Variants in SYTL2 observed in about 807,000 individuals in gnomAD.
SYTL2 encodes the protein synaptotagmin like 2.
A neutral mutation model predicts 198.7 loss-of-function variants in SYTL2; 165 were observed. That is an observed-to-expected ratio of 0.83 (90% CI 0.73 to 0.94). SYTL2 has a LOEUF of 0.94. SYTL2 is among the 40% of genes least tolerant of loss of function. The pLI is 0.00. For synonymous variants in SYTL2, 966 were observed against 917.7 expected (o/e 1.05, Z -0.95); for missense variants, 2,835 against 2,582.8 (o/e 1.10, Z -2.12).
chr11:85,711,786 T>G (rs2086334680), intron 12 of SYTL2, among the ~76,000 whole-genome samples: 1 of 152,154 alleles, frequency 6.6e-6, no homozygotes, highest in Admixed American at 6.5e-5. Flanking sequence ...TTTAAAATTT[T>G]TAAACTTCCC....
intron 1 of SYTL2, among the ~76,000 whole-genome samples, chr11:85,807,383 CTA>C (rs1313685161): frequency 6.6e-6 from 1 of 152,212 alleles, no homozygotes; most frequent in Non-Finnish European, 1.5e-5. Flanking sequence ...TTTATTGCCT[CTA>C]TGTTTAAACA....
At chr11:85,745,542 C>G in intron 4 of SYTL2, 95 bp downstream of exon 4, 1 of 1,391,006 alleles carries the variant, frequency 7.2e-7, no homozygotes. Flanking sequence ...TGACCCCAGT[C>G]TGGCATCTGT....
chr11:85,816,938 C>G, the SYTL2 span, among the ~76,000 whole-genome samples: 6 of 128,666 alleles, frequency 4.7e-5, no homozygotes, highest in African/African-American at 1.5e-4. Flanking sequence ...AAAAAAAAGA[C>G]CATCTTATAA....
In SYTL2 at chr11:85,745,780, A is replaced by G. The variant is rs375272435; in HGVS notation, c.254-8T>C. 1 of 1,606,618 alleles carries G rather than the reference A, an allele frequency of 6.2e-7. No homozygotes were observed. The highest frequency in any genetic ancestry group is 1.7e-5 in the Admixed American group (1 of 59,896). On this transcript the variant is annotated splice_polypyrimidine_tract_variant and splice_region_variant and intron_variant, in intron 3 of 19. Transcript: ENST00000359152. The stretch of plus-strand genomic sequence containing the variant: ...TGTCTTTACTCTGCTCAGCTGAAAC[A>G]GGAAACAGTAAAGACAGGAAGGTTA...
chr11:85,849,949 CTCTTT>C, the SYTL2 span, among the ~76,000 whole-genome samples: 1 of 146,334 alleles, frequency 6.8e-6, no homozygotes, highest in South Asian at 2.2e-4. Flanking sequence ...TGTTTGTATC[CTCTTT>C]TATTTCGTTG....
the SYTL2 span, among the ~76,000 whole-genome samples, chr11:85,823,036 T>C: frequency 1.1e-4 from 17 of 152,230 alleles, no homozygotes; most frequent in African/African-American, 3.1e-4. Context: ...TCATGGAACA[T>C]TGGTTGCTTT....
intron 1 of SYTL2, among the ~76,000 whole-genome samples, chr11:85,808,424 GTT>G (rs1366864854): frequency 6.6e-6 from 1 of 151,978 alleles, no homozygotes; most frequent in Non-Finnish European, 1.5e-5. Flanking sequence ...AATATGTTTA[GTT>G]TTGGTAATAA....
At position 85,789,366 on chromosome 11, in the gene SYTL2, A is replaced by G. The variant is rs866004892; in HGVS notation, c.-390+21588T>C. On this transcript the variant is annotated intron_variant, in intron 1 of 19. Transcript: ENST00000359152. ...TATATATATATATATATATATATAT[A>G]TATATATATATGTATATATATATAT... is the stretch of plus-strand genomic sequence containing the variant. Among the ~76,000 whole-genome samples, 382 of 47,758 alleles carry G rather than the reference A, an allele frequency of 8.0e-3. 4 individuals are homozygous for G. The highest frequency in any genetic ancestry group is 0.029 in the South Asian group (35 of 1,214). 31.3% of individuals were successfully genotyped at this position (47,758 alleles called of 152,430 possible).
chr11:85,757,529 G>C (rs954879619), intron 2 of SYTL2, 96 bp downstream of exon 2: 1 of 1,385,402 alleles, frequency 7.2e-7, no homozygotes, highest in Non-Finnish European at 1.0e-6. Context: ...CTTCGAGTCA[G>C]AACTACCACT....
the SYTL2 span, among the ~76,000 whole-genome samples, chr11:85,842,038 C>T: frequency 6.6e-6 from 1 of 152,124 alleles, no homozygotes; most frequent in African/African-American, 2.4e-5. Flanking sequence ...CATGTCAGGC[C>T]CTGTGCTAGG....
intron 1 of SYTL2, among the ~76,000 whole-genome samples, chr11:85,803,238 A>G (rs1160932030): frequency 6.6e-6 from 1 of 152,270 alleles, no homozygotes; most frequent in Non-Finnish European, 1.5e-5. Context: ...TGGTCCTGCT[A>G]GGACAACTCA....
Position 85,724,256 on chromosome 11 carries a change from G to A in SYTL2, c.5102C>T (p.Pro1701Leu), listed in dbSNP as rs1183395204. The A allele has an allele frequency of 2.6e-6, 4 of 1,564,208 alleles. No individual in the cohort carries two copies. In the South Asian group the frequency reaches 3.7e-5, roughly 14 times the overall value. ...VAGGQGTLQE[P>L]GFGEASEAIS... ...TGCTTCAGAAGCCTCTCCAAAGCCA[G>A]GTTCCTGAAGAGTCCCTTGTCCCCC... The change falls in exon 8 of 20, where the codon CCT becomes CTT. Residue 1701 changes from proline (P) to leucine (L), a missense_variant. Transcript: ENST00000359152.
chr11:85,803,767 T>C (rs1165247140), intron 1 of SYTL2, among the ~76,000 whole-genome samples: 4 of 152,216 alleles, frequency 2.6e-5, no homozygotes, highest in Non-Finnish European at 4.4e-5. Flanking sequence ...TGTTTGGCCA[T>C]TTACCACCTC....
At chr11:85,730,679 G>A (rs571851990) in intron 7 of SYTL2, among the ~76,000 whole-genome samples, 24 of 152,132 alleles carry the variant, frequency 1.6e-4, no homozygotes, top group Admixed American at 4.6e-4. Context: ...TTTGAAAACT[G>A]GCACAAGACA....
At chr11:85,768,565 T>C (rs2092292156) in intron 1 of SYTL2, among the ~76,000 whole-genome samples, 1 of 152,182 alleles carries the variant, frequency 6.6e-6, no homozygotes, top group South Asian at 2.1e-4. Flanking sequence ...AACATTTCAC[T>C]AACTCAATCC....
At position 85,699,099 on chromosome 11, in the gene SYTL2, A is replaced by G. The variant is rs78035515; in HGVS notation, c.6269-1021T>C. ...AGATATACAGAGAATACATGAAATAATCTATGCCCTTGGGAAATGTTTATA... is the reference window on the plus strand; with the variant it reads ...AGATATACAGAGAATACATGAAATAGTCTATGCCCTTGGGAAATGTTTATA... On this transcript the variant is annotated intron_variant, in intron 17 of 19. Coordinates refer to ENST00000359152, the MANE Select transcript of SYTL2 (RefSeq NM_206927.4). Among the ~76,000 whole-genome samples the G allele has an allele frequency of 6.7e-4, 102 of 152,378 alleles. 1 individual carries two copies. The East Asian group carries it at 0.017, about 26-fold the overall frequency.
chr11:85,779,337 T>C (rs1480796709), intron 1 of SYTL2, among the ~76,000 whole-genome samples: 1 of 152,210 alleles, frequency 6.6e-6, no homozygotes, highest in East Asian at 1.9e-4. Flanking sequence ...TTGCTATTGC[T>C]ATTATTTCTA....
intron 1 of SYTL2, among the ~76,000 whole-genome samples, chr11:85,800,267 C>G (rs191895277): frequency 2.2e-4 from 33 of 152,212 alleles, no homozygotes; most frequent in African/African-American, 7.7e-4. Context: ...GTCTAGTATT[C>G]CAAAACCCCA....
chr11:85,854,509 A>C, the SYTL2 span: 1 of 152,272 alleles, frequency 6.6e-6, no homozygotes, highest in African/African-American at 2.4e-5. Flanking sequence ...CGAACAAAAA[A>C]GGAAAGCGAG....
Sources: gnomAD v4.1 joint callset for allele counts (sites outside exome capture counted in the v4.1 genomes callset) on GRCh38, gnomAD v4.1.1 for gene constraint, MANE v1.5 for transcripts, NCBI Gene and HGNC (gene_info 2026-07-23, HGNC 2026-07-21) for gene names.